The following PRICKLE2 variants were observed in gnomAD, a reference collection of about 807,000 sequenced individuals.
PRICKLE2 encodes the protein prickle-like protein 2.
A neutral mutation model predicts 81.4 loss-of-function variants in PRICKLE2; 21 were observed. The observed-to-expected ratio is 0.26, with a 90% CI of 0.18 to 0.37. PRICKLE2 has a LOEUF of 0.37. Among genes scored for constraint, PRICKLE2 ranks in the 10% least tolerant of loss-of-function variants. The pLI, the probability that PRICKLE2 is intolerant of heterozygous loss-of-function variation, is 1.00. For missense variants in PRICKLE2, 940 were observed against 1,109.0 expected, an observed-to-expected ratio of 0.85 and a Z score of 2.16; for synonymous variants, 456 against 421.5, an observed-to-expected ratio of 1.08 and a Z score of -1.00.
At chr3:64,239,012 C>A (rs888877697) in intron 2 of PRICKLE2, among the ~76,000 whole-genome samples, 1 of 152,106 alleles carries the variant, frequency 6.6e-6, no homozygotes, top group Admixed American at 6.5e-5. Context: ...CCCTGAGATG[C>A]CACAGCAAGC....
intron 1 of PRICKLE2, among the ~76,000 whole-genome samples, chr3:64,213,077 C>CCT (rs1553654937): frequency 8.0e-6 from 1 of 125,526 alleles, no homozygotes; most frequent in East Asian, 2.2e-4. Context: ...GTTTTTTGTT[C>CCT]TTTTTTTTTT....
At chr3:64,116,621 A>G (rs943147942) in intron 7 of PRICKLE2, among the ~76,000 whole-genome samples, 4 of 152,210 alleles carry the variant, frequency 2.6e-5, no homozygotes, top group African/African-American at 9.6e-5. Context: ...GTCTGGACAC[A>G]TACACCCTTC....
At chr3:64,231,882 G>A (rs1381769290) in intron 2 of PRICKLE2, among the ~76,000 whole-genome samples, 6 of 152,166 alleles carry the variant, frequency 3.9e-5, no homozygotes, top group African/African-American at 1.4e-4. Flanking sequence ...TTGGTCTTGG[G>A]TCTGACGACA....
intron 2 of PRICKLE2, among the ~76,000 whole-genome samples, chr3:64,246,113 G>T (rs144199848): frequency 0.04 from 6,106 of 152,072 alleles, 140 homozygotes; most frequent in Admixed American, 0.059. Context: ...GTAGTGGTGC[G>T]TGCCTGTAGT....
rs2078394346 is a variant in PRICKLE2, at chr3:64,193,765, T to C, written c.144+5019A>G. 1.3e-5 allele frequency among the ~76,000 whole-genome samples: 2 copies of C among 152,162 alleles called. 1 individual carries two copies. Among genetic ancestry groups the C allele is most frequent in the South Asian group, 4.2e-4 (2 of 4,812 alleles). On this transcript the variant is annotated intron_variant, in intron 2 of 7. Coordinates refer to ENST00000638394, the MANE Select transcript of PRICKLE2 (RefSeq NM_198859.4). ...TCGTGATAGTAAGTCTCACGAGATC[T>C]GATGGTTACTATAAGGAGGAGTTTT...
intron 7 of PRICKLE2, chr3:64,103,065 T>C (rs942134482): frequency 6.6e-6 from 1 of 152,230 alleles, no homozygotes; most frequent in Non-Finnish European, 1.5e-5. Flanking sequence ...GTGTTGTTTG[T>C]TCTATTTTTA....
At chr3:64,179,882 T>C (rs1158637131) in intron 2 of PRICKLE2, among the ~76,000 whole-genome samples, 1 of 152,190 alleles carries the variant, frequency 6.6e-6, no homozygotes, top group African/African-American at 2.4e-5. Context: ...GCTCATTCTC[T>C]ATCCATTCCA....
At chr3:64,126,899 A>AC (rs1184324719) in intron 7 of PRICKLE2, among the ~76,000 whole-genome samples, 1 of 152,126 alleles carries the variant, frequency 6.6e-6, no homozygotes, top group Non-Finnish European at 1.5e-5. Flanking sequence ...TCTTAACCTC[A>AC]CTAAGCCTCT....
intron 1 of PRICKLE2, among the ~76,000 whole-genome samples, chr3:64,217,263 G>C (rs1241321914): frequency 6.6e-6 from 1 of 151,940 alleles, no homozygotes; most frequent in Non-Finnish European, 1.5e-5. Flanking sequence ...CAGAATAAAA[G>C]GATGTATATT....
chr3:64,218,279 A>C (rs568664716), intron 1 of PRICKLE2, among the ~76,000 whole-genome samples: 1 of 152,328 alleles, frequency 6.6e-6, no homozygotes, highest in Non-Finnish European at 1.5e-5. Context: ...AACATTTTTT[A>C]CTTAAAAACA....
chr3:64,239,952 C>CA (rs57932723), intron 2 of PRICKLE2, among the ~76,000 whole-genome samples: 4,739 of 32,206 alleles, frequency 0.15, 671 homozygotes, highest in East Asian at 0.34. Context: ...CCATCGCTAC[C>CA]AAAAAAAAAA....
intron 2 of PRICKLE2, among the ~76,000 whole-genome samples, chr3:64,165,991 TG>T (rs1559551989): frequency 5.3e-5 from 8 of 151,208 alleles, no homozygotes; most frequent in East Asian, 1.9e-4. Context: ...TGTGTGTGTG[TG>T]TGTGTGTGTG....
chr3:64,173,694 A>G (rs769660713), intron 2 of PRICKLE2, among the ~76,000 whole-genome samples: 2 of 152,180 alleles, frequency 1.3e-5, no homozygotes, highest in Non-Finnish European at 2.9e-5. Flanking sequence ...ACAGCTAAAG[A>G]GCACTTTGAA....
At chr3:64,173,347 C>A (rs1038571080) in intron 2 of PRICKLE2, among the ~76,000 whole-genome samples, 2 of 152,148 alleles carry the variant, frequency 1.3e-5, no homozygotes, top group African/African-American at 4.8e-5. Context: ...CATACCATCA[C>A]ACAGTACTCC....
At chr3:64,250,623 C>T (rs1031601665) in intron 2 of PRICKLE2, among the ~76,000 whole-genome samples, 4 of 152,228 alleles carry the variant, frequency 2.6e-5, no homozygotes, top group African/African-American at 9.7e-5. Context: ...GAAGGCCTCA[C>T]TCATGAGATC....
chr3:64,179,354 G>C (rs1349793998), intron 2 of PRICKLE2, among the ~76,000 whole-genome samples: 2 of 152,114 alleles, frequency 1.3e-5, no homozygotes, highest in African/African-American at 4.8e-5. Flanking sequence ...GGGATTACAA[G>C]TGTGAGCCAC....
intron 2 of PRICKLE2, chr3:64,174,978 G>A (rs2077997585): frequency 5.6e-6 from 1 of 178,892 alleles, no homozygotes; most frequent in East Asian, 1.3e-4. Flanking sequence ...TTGAGTGTCA[G>A]TGACCTCCCA....
At chr3:64,157,501 A>G in intron 4 of PRICKLE2, 136 bp from the exon 5 acceptor site, 1 of 900,990 alleles carries the variant, frequency 1.1e-6, no homozygotes, top group Non-Finnish European at 1.8e-6. Context: ...TTCCTGCTTT[A>G]CACAGGCAGC....
At chr3:64,263,801 T>G (rs1227485296) in intron 2 of PRICKLE2, among the ~76,000 whole-genome samples, 1 of 152,198 alleles carries the variant, frequency 6.6e-6, no homozygotes, top group Non-Finnish European at 1.5e-5. Context: ...AGCCTTATCT[T>G]GGGTCATCTT....
Sources: allele counts gnomAD v4.1 joint callset (sites outside exome capture counted in the v4.1 genomes callset), GRCh38; gene constraint gnomAD v4.1.1; transcripts MANE v1.5; gene names NCBI Gene and HGNC (gene_info 2026-07-23, HGNC 2026-07-21).